The following USH2A variants were observed in gnomAD, a reference collection of about 807,000 sequenced individuals.
The protein encoded by USH2A is Usher syndrome 2A (autosomal recessive, mild).
USH2A carries 443 observed loss-of-function variants against 538.9 expected under a neutral mutation model. That is an observed-to-expected ratio of 0.82 (90% CI 0.76 to 0.89). USH2A has a LOEUF of 0.89. USH2A is among the 40% of genes least tolerant of loss of function. The pLI, the probability that USH2A is intolerant of heterozygous loss-of-function variation, is 0.00. For missense variants in USH2A, 6,633 were observed against 6,324.8 expected, an observed-to-expected ratio of 1.05 and a Z score of -1.65; for synonymous variants, 2,413 against 2,273.5, an observed-to-expected ratio of 1.06 and a Z score of -1.75.
chr1:216,145,749 G>A (rs2033685057), intron 21 of USH2A, among the ~76,000 whole-genome samples: 1 of 152,268 alleles, frequency 6.6e-6, no homozygotes, highest in South Asian at 2.1e-4. Flanking sequence ...CAAAAGAAGT[G>A]TAAATGGCCA....
intron 64 of USH2A, among the ~76,000 whole-genome samples, chr1:215,657,525 A>G (rs1173629391): frequency 6.6e-6 from 1 of 152,218 alleles, no homozygotes; most frequent in African/African-American, 2.4e-5. Flanking sequence ...TTCTTTCACC[A>G]TCAAATGGAT....
chr1:215,730,926 TGAG>T (rs1659977799), intron 60 of USH2A, among the ~76,000 whole-genome samples: 1 of 152,216 alleles, frequency 6.6e-6, no homozygotes, highest in African/African-American at 2.4e-5. Context: ...TCCATTCTAA[TGAG>T]AACTGCAGGG....
At chr1:216,181,394 C>A (rs1572025963) in intron 20 of USH2A, among the ~76,000 whole-genome samples, 1 of 152,074 alleles carries the variant, frequency 6.6e-6, no homozygotes, top group East Asian at 1.9e-4. Context: ...CCAGCAGGAG[C>A]CCCTCTGGTT....
At chr1:215,627,231 G>GAGAA (rs1003812692) in intron 71 of USH2A, among the ~76,000 whole-genome samples, 5 of 152,264 alleles carry the variant, frequency 3.3e-5, no homozygotes, top group African/African-American at 1.2e-4. Context: ...GAACTTGGAG[G>GAGAA]AGAAAGATGA....
intron 4 of USH2A, among the ~76,000 whole-genome samples, chr1:216,357,648 C>G (rs1442232933): frequency 6.6e-6 from 1 of 152,142 alleles, no homozygotes; most frequent in Admixed American, 6.6e-5. Flanking sequence ...GACCAATGAT[C>G]TTCTTAAGAA....
At chr1:215,919,008 T>C (rs114963916) in intron 38 of USH2A, among the ~76,000 whole-genome samples, 2,283 of 152,178 alleles carry the variant, frequency 0.015, 39 homozygotes, top group Non-Finnish European at 0.025. Context: ...GCTTCTTTTA[T>C]TTTTATATTG....
At chr1:215,627,376 C>T (rs1171145125) in intron 71 of USH2A, among the ~76,000 whole-genome samples, 1 of 147,484 alleles carries the variant, frequency 6.8e-6, no homozygotes, top group Non-Finnish European at 1.5e-5. Flanking sequence ...TCCCTCCCTC[C>T]CTTCCTTCTT....
At position 216,018,526 on chromosome 1, in the gene USH2A, GT is replaced by G. The variant is rs1352679666; in HGVS notation, c.6326-17965del. On this transcript the variant is annotated intron_variant, in intron 32 of 71. Transcript: ENST00000307340. ...ACTTCGGCCTCATTCCCTCCTGTCTGTTGTTCTCTTTATTGTGTCTTACGTT... is the reference window on the plus strand; with the variant it reads ...ACTTCGGCCTCATTCCCTCCTGTCTGTGTTCTCTTTATTGTGTCTTACGTT... Among the ~76,000 whole-genome samples, 4 of 152,162 alleles carry G rather than the reference GT, an allele frequency of 2.6e-5. No homozygotes were observed. In the East Asian group the frequency reaches 5.8e-4, roughly 22 times the overall value.
rs767648070 is a variant in USH2A, at chr1:216,207,412, C to T, written c.3177G>A (p.Pro1059=). The change falls in exon 16 of 72, where the codon CCG becomes CCA. Residue 1059 remains proline (P), a synonymous_variant. Coordinates refer to ENST00000307340, the MANE Select transcript of USH2A (RefSeq NM_206933.4). The stretch of plus-strand genomic sequence containing the variant: ...AAGAACTTTGAACTTGTCCTCTGGG[C>T]GGAGGTTGCTGGAATGGAGCTAAAT... The part of the protein sequence containing the change: ...GCSKTPFQQP[P]PRGQVQSSSA... The T allele has an allele frequency of 1.5e-4, 237 of 1,613,718 alleles. No homozygotes were observed. The highest frequency in any genetic ancestry group is 4.9e-4 in the Middle Eastern group (3 of 6,080).
At chr1:215,932,370 A>T (rs185815694) in intron 38 of USH2A, among the ~76,000 whole-genome samples, 2 of 152,134 alleles carry the variant, frequency 1.3e-5, no homozygotes, top group Non-Finnish European at 2.9e-5. Context: ...TACTAATTTA[A>T]TTCTACTTAA....
intron 9 of USH2A, among the ~76,000 whole-genome samples, chr1:216,303,420 A>G (rs1244276536): frequency 6.6e-6 from 1 of 151,966 alleles, no homozygotes; most frequent in African/African-American, 2.4e-5. Flanking sequence ...ACAAATACGA[A>G]TTCACATACT....
At chr1:215,988,739 C>G (rs1667938126) in intron 35 of USH2A, among the ~76,000 whole-genome samples, 1 of 152,118 alleles carries the variant, frequency 6.6e-6, no homozygotes, top group African/African-American at 2.4e-5. Flanking sequence ...ATGTCTCAGG[C>G]ACTATTCTTG....
At chr1:216,164,459 T>C (rs1296696524) in intron 21 of USH2A, among the ~76,000 whole-genome samples, 2 of 152,076 alleles carry the variant, frequency 1.3e-5, no homozygotes. Context: ...TGACAGTAGA[T>C]TGAGGAGTAA....
intron 58 of USH2A, among the ~76,000 whole-genome samples, 177 bp downstream of exon 58, chr1:215,758,418 T>C (rs775176302): frequency 5.9e-5 from 9 of 152,234 alleles, no homozygotes; most frequent in Non-Finnish European, 1.2e-4. Context: ...TACGTATGTA[T>C]GTATGTACTC....
At chr1:216,421,344 A>T (rs961114230) in intron 2 of USH2A, among the ~76,000 whole-genome samples, 2 of 152,164 alleles carry the variant, frequency 1.3e-5, no homozygotes, top group Non-Finnish European at 2.9e-5. Context: ...TATTCAATTT[A>T]TATTACTGAA....
chr1:216,100,588 T>C (rs2032554026), intron 21 of USH2A, among the ~76,000 whole-genome samples: 3 of 152,136 alleles, frequency 2.0e-5, no homozygotes, highest in Admixed American at 2.0e-4. Flanking sequence ...AAAAATGCTA[T>C]AATTTGGAAC....
chr1:216,127,018 G>A (rs769002078), intron 21 of USH2A, among the ~76,000 whole-genome samples: 4 of 152,238 alleles, frequency 2.6e-5, no homozygotes, highest in South Asian at 2.1e-4. Flanking sequence ...AGAAGTAAGC[G>A]CAAAGCTTTC....
At chr1:216,323,784 A>G in intron 7 of USH2A, 89 bp from the exon 8 acceptor site, 1 of 1,200,042 alleles carries the variant, frequency 8.3e-7, no homozygotes. Context: ...ACTACACAGT[A>G]TCAATAAAAG....
chr1:215,704,990 T>C (rs181079777), intron 61 of USH2A, among the ~76,000 whole-genome samples: 45 of 152,348 alleles, frequency 3.0e-4, no homozygotes, highest in African/African-American at 1.1e-3. Flanking sequence ...TCTATAGATG[T>C]CTGCGGAATG....
Sources: gnomAD v4.1 joint callset for allele counts (sites outside exome capture counted in the v4.1 genomes callset) on GRCh38, gnomAD v4.1.1 for gene constraint, MANE v1.5 for transcripts, NCBI Gene and HGNC (gene_info 2026-07-23, HGNC 2026-07-21) for gene names.